ST7L: variants seen among roughly 807,000 people sequenced by gnomAD.
ST7L encodes the protein suppression of tumorigenicity 7 like.
Under a neutral mutation model 72.5 loss-of-function variants are expected in ST7L, and 57 were observed. The observed-to-expected ratio is 0.79, with a 90% CI of 0.64 to 0.98. ST7L has a LOEUF of 0.98. Ranked by LOEUF, ST7L falls within the 50% of genes least tolerant of loss-of-function variation. ST7L has a pLI of 0.00. For synonymous variants in ST7L, 221 were observed against 240.9 expected, an observed-to-expected ratio of 0.92 and a Z score of 0.77; for missense variants, 576 against 672.2, an observed-to-expected ratio of 0.86 and a Z score of 1.58.
chr1:112,577,219 TAAC>T, intron 10 of ST7L, 131 bp from the exon 11 acceptor site: 1 of 392,482 alleles, frequency 2.5e-6, no homozygotes, highest in South Asian at 7.9e-5. Flanking sequence ...GCCAGAGGAC[TAAC>T]AAAAAAAAAA....
chr1:112,518,586 A>C (rs1652693420), downstream of ST7L: 1 of 152,162 alleles, frequency 6.6e-6, no homozygotes, highest in South Asian at 2.1e-4. Flanking sequence ...CTTTCCTCCC[A>C]CTTGGTCTAA....
intron 13 of ST7L, among the ~76,000 whole-genome samples, chr1:112,544,634 G>A (rs1178485030): frequency 6.6e-6 from 1 of 152,154 alleles, no homozygotes; most frequent in Admixed American, 6.5e-5. Context: ...AGACAGCAAA[G>A]TTAGTAATAT....
chr1:112,606,488 T>C (rs533414775), intron 3 of ST7L, among the ~76,000 whole-genome samples: 1 of 152,298 alleles, frequency 6.6e-6, no homozygotes, highest in Admixed American at 6.5e-5. Flanking sequence ...TCATTTCCAC[T>C]TGAGACCTCA....
chr1:112,521,732 C>CCTAA (rs1314914128), downstream of ST7L: 4 of 152,114 alleles, frequency 2.6e-5, no homozygotes, highest in East Asian at 7.7e-4. Flanking sequence ...TTACCCATTG[C>CCTAA]CTAACTAGGT....
chr1:112,618,136 G>C, intron 1 of ST7L: 1 of 1,284,738 alleles, frequency 7.8e-7, no homozygotes, highest in South Asian at 1.3e-5. Context: ...CTCAGATCTT[G>C]AGTGAAATAT....
intron 6 of ST7L, 145 bp downstream of exon 6, chr1:112,591,380 T>C (rs976033163): frequency 2.3e-5 from 15 of 646,594 alleles, no homozygotes; most frequent in South Asian, 1.1e-4. Context: ...TGGCAAACAC[T>C]GAAAATTTTA....
chr1:112,565,188 G>A (rs1328990909), intron 11 of ST7L, among the ~76,000 whole-genome samples: 2 of 147,462 alleles, frequency 1.4e-5, no homozygotes, highest in Non-Finnish European at 3.0e-5. Flanking sequence ...GGGATTACAG[G>A]CGCCCACCAC....
In ST7L at chr1:112,584,025, T is replaced by G; in HGVS notation, c.803A>C (p.Tyr268Ser). 1 of 1,614,196 alleles carries G rather than the reference T, an allele frequency of 6.2e-7. No homozygotes were observed. Among genetic ancestry groups the G allele is most frequent in the Non-Finnish European group, 8.5e-7 (1 of 1,180,022 alleles). The change falls in exon 7 of 15, where the codon TAT becomes TCT. Residue 268 changes from tyrosine to serine, a missense_variant. Tyr to Ser is a moderately radical substitution (Grantham distance 144, BLOSUM62 -2). Transcript: ENST00000358039. ...KQALKAGETI[Y>S]RQSQQCQHQS... ...GTGCTGGCACTGCTGTGACTGCCTA[T>G]AAATTGTTTCTCCTGCCTTGAGTGC...
intron 14 of ST7L, among the ~76,000 whole-genome samples, chr1:112,531,516 T>C (rs1654377525): frequency 6.6e-6 from 1 of 152,220 alleles, no homozygotes; most frequent in African/African-American, 2.4e-5. Flanking sequence ...GGAAGCATAA[T>C]CTATTAGTCT....
intron 1 of ST7L, chr1:112,618,343 T>TTGA (rs1670268769): frequency 1.1e-6 from 1 of 875,428 alleles, no homozygotes; most frequent in African/African-American, 1.8e-5. Flanking sequence ...TCTCACTTCC[T>TTGA]GTACTATTTT....
chr1:112,543,621 C>G (rs1386777656), intron 13 of ST7L, among the ~76,000 whole-genome samples: 1 of 151,972 alleles, frequency 6.6e-6, no homozygotes, highest in East Asian at 1.9e-4. Flanking sequence ...GTAATCCCAG[C>G]ACTTTGGGAG....
At chr1:112,518,218 G>T in the ST7L span, 1 of 152,220 alleles carries the variant, frequency 6.6e-6, no homozygotes, top group East Asian at 1.9e-4. Flanking sequence ...GGGAATGAAA[G>T]TTACCATCCT....
intron 11 of ST7L, among the ~76,000 whole-genome samples, chr1:112,557,428 T>G (rs1025811343): frequency 6.6e-6 from 1 of 152,270 alleles, no homozygotes; most frequent in East Asian, 1.9e-4. Flanking sequence ...GCCTCATTTC[T>G]TCTTATGGCT....
chr1:112,585,967 T>G (rs1404977062), intron 6 of ST7L, among the ~76,000 whole-genome samples: 1 of 152,166 alleles, frequency 6.6e-6, no homozygotes, highest in African/African-American at 2.4e-5. Flanking sequence ...TATCGTTAAG[T>G]GGGGACAAAA....
intron 12 of ST7L, among the ~76,000 whole-genome samples, chr1:112,554,598 T>C (rs1658781086): frequency 6.6e-6 from 1 of 152,192 alleles, no homozygotes; most frequent in African/African-American, 2.4e-5. Flanking sequence ...TAGAATTTTA[T>C]GATCCAGCAA....
intron 3 of ST7L, among the ~76,000 whole-genome samples, chr1:112,601,160 G>C (rs1364248065): frequency 6.6e-6 from 1 of 152,190 alleles, no homozygotes; most frequent in Non-Finnish European, 1.5e-5. Flanking sequence ...ACCAAGCACA[G>C]CATCTAGAAC....
chr1:112,575,441 G>C (rs1662950811), intron 11 of ST7L, among the ~76,000 whole-genome samples: 1 of 152,124 alleles, frequency 6.6e-6, no homozygotes, highest in Non-Finnish European at 1.5e-5. Context: ...AAATAGAACA[G>C]TTATAACAAT....
chr1:112,599,073 A>AAAAAAAAT (rs1190968815), intron 4 of ST7L, among the ~76,000 whole-genome samples: 36 of 57,002 alleles, frequency 6.3e-4, no homozygotes, highest in African/African-American at 6.8e-4. Flanking sequence ...AAAAAAAAAA[A>AAAAAAAAT]ATATATATAT....
At chr1:112,546,277 C>T (rs1356073828) in intron 13 of ST7L, among the ~76,000 whole-genome samples, 1 of 144,814 alleles carries the variant, frequency 6.9e-6, no homozygotes, top group African/African-American at 2.6e-5. Context: ...CGTGACTGCA[C>T]CACTGCATTC....
Sources: allele counts gnomAD v4.1 joint callset (sites outside exome capture counted in the v4.1 genomes callset), GRCh38; gene constraint gnomAD v4.1.1; transcripts MANE v1.5; gene names NCBI Gene and HGNC (gene_info 2026-07-23, HGNC 2026-07-21).